The following FGF14 variants were observed in gnomAD, a reference collection of about 807,000 sequenced individuals.
FGF14 encodes fibroblast growth factor 14, also known as fibroblast growth factor homologous factor 4.
In FGF14, 5 loss-of-function variants were observed where a neutral mutation model predicts 25.5. The observed-to-expected ratio is 0.20, with a 90% confidence interval of 0.10 to 0.41. FGF14 has a LOEUF of 0.41. FGF14 is among the 10% of genes least tolerant of loss of function. The pLI, the probability that FGF14 is intolerant of heterozygous loss-of-function variation, is 1.00. For missense variants in FGF14, 222 were observed against 320.1 expected (o/e 0.69, Z 2.34); for synonymous variants, 138 against 118.3 (o/e 1.17, Z -1.08).
intron 1 of FGF14, among the ~76,000 whole-genome samples, chr13:102,137,381 G>A (rs1339645347): frequency 2.0e-5 from 3 of 152,146 alleles, no homozygotes; most frequent in Non-Finnish European, 2.9e-5. Context: ...TTGAGCAAAA[G>A]TATCTCGAAA....
intron 1 of FGF14, among the ~76,000 whole-genome samples, chr13:102,106,142 A>C (rs543657950): frequency 6.6e-6 from 1 of 152,362 alleles, no homozygotes; most frequent in Non-Finnish European, 1.5e-5. Flanking sequence ...ATTTTATAAA[A>C]TAAAATTTAG....
intron 3 of FGF14, among the ~76,000 whole-genome samples, chr13:101,808,501 A>G (rs1159104036): frequency 6.6e-6 from 1 of 152,152 alleles, no homozygotes; most frequent in Non-Finnish European, 1.5e-5. Context: ...TGAATTTGTG[A>G]TTTTTAAATA....
At chr13:101,929,881 A>AC (rs1282783950) in intron 1 of FGF14, among the ~76,000 whole-genome samples, 2 of 152,226 alleles carry the variant, frequency 1.3e-5, no homozygotes, top group Admixed American at 1.3e-4. Context: ...AGCATGTGCA[A>AC]CTTGCATAAT....
rs1370485057 is a variant in FGF14, at chr13:101,720,271, T to G, written c.*2560A>C. The G allele has an allele frequency of 6.6e-6, 1 of 152,004 alleles. No individual in the cohort carries two copies. The highest frequency in any genetic ancestry group is 1.5e-5 in the Non-Finnish European group (1 of 67,988). The allele number at this position is 152,004 out of a possible 1,614,324, so 9.4% of individuals were successfully genotyped here. A position where few individuals can be genotyped will look rare whatever the true frequency, so the allele number is the denominator to read the frequency against. On this transcript the variant is annotated 3_prime_UTR_variant, in exon 5 of 5. Transcript: ENST00000376143. Reference sequence around the variant, plus strand: ...CCAGACACAAAGTAAATGACCTAACTCAATTACAAATAACAAGGACCCCTC... The same window carrying G: ...CCAGACACAAAGTAAATGACCTAACGCAATTACAAATAACAAGGACCCCTC...
chr13:102,222,778 A>T (rs1490919673), intron 1 of FGF14, among the ~76,000 whole-genome samples: 1 of 152,102 alleles, frequency 6.6e-6, no homozygotes, highest in African/African-American at 2.4e-5. Flanking sequence ...ATTCTTCATG[A>T]ACACACACTC....
intron 1 of FGF14, among the ~76,000 whole-genome samples, chr13:102,096,513 CTT>C (rs1010785858): frequency 7.2e-5 from 11 of 151,898 alleles, no homozygotes; most frequent in Non-Finnish European, 1.5e-4. Flanking sequence ...TCACTGAAAA[CTT>C]AATATGCGCT....
intron 1 of FGF14, among the ~76,000 whole-genome samples, chr13:102,298,535 G>A (rs1446760516): frequency 6.6e-6 from 1 of 152,082 alleles, no homozygotes; most frequent in Non-Finnish European, 1.5e-5. Flanking sequence ...TACCTTTTAT[G>A]TGTTAGTATT....
chr13:102,092,697 TA>T (rs1297176580), intron 1 of FGF14, among the ~76,000 whole-genome samples: 1 of 152,216 alleles, frequency 6.6e-6, no homozygotes, highest in Non-Finnish European at 1.5e-5. Context: ...ATAACAATAG[TA>T]ATATTTGTGC....
intron 1 of FGF14, among the ~76,000 whole-genome samples, chr13:102,069,434 G>C (rs528270104): frequency 6.6e-6 from 1 of 152,138 alleles, no homozygotes; most frequent in Non-Finnish European, 1.5e-5. Context: ...AACCCGCTCG[G>C]GTCCCCTTCC....
intron 1 of FGF14, among the ~76,000 whole-genome samples, chr13:101,896,323 T>C (rs2030661546): frequency 6.6e-6 from 1 of 152,160 alleles, no homozygotes; most frequent in Admixed American, 6.6e-5. Context: ...TAAGGTGCTG[T>C]GGCTTTTGCA....
chr13:102,277,794 A>G (rs1407067173), intron 1 of FGF14, among the ~76,000 whole-genome samples: 1 of 152,216 alleles, frequency 6.6e-6, no homozygotes, highest in Non-Finnish European at 1.5e-5. Flanking sequence ...GTGAACCCAC[A>G]AAAGTGCTCC....
At chr13:102,083,952 T>A (rs1173846033) in intron 1 of FGF14, among the ~76,000 whole-genome samples, 1 of 152,200 alleles carries the variant, frequency 6.6e-6, no homozygotes, top group Non-Finnish European at 1.5e-5. Context: ...AATCTCTATA[T>A]CCTTGAAGGC....
At chr13:101,745,264 C>T (rs1434967433) in intron 3 of FGF14, among the ~76,000 whole-genome samples, 1 of 151,862 alleles carries the variant, frequency 6.6e-6, no homozygotes, top group East Asian at 1.9e-4. Flanking sequence ...TTCCCATATA[C>T]CCACTGCCCC....
At chr13:102,377,937 C>T (rs1594996036) in intron 1 of FGF14, among the ~76,000 whole-genome samples, 1 of 152,198 alleles carries the variant, frequency 6.6e-6, no homozygotes, top group Non-Finnish European at 1.5e-5. Flanking sequence ...CTGTTCTAGG[C>T]TTCTTTAGGT....
intron 1 of FGF14, among the ~76,000 whole-genome samples, chr13:101,973,852 A>T (rs960652674): frequency 2.0e-5 from 3 of 152,198 alleles, no homozygotes; most frequent in African/African-American, 7.2e-5. Context: ...AATCAAGTTG[A>T]CACTCAGTAT....
chr13:102,112,343 C>CTA (rs2045272367), intron 1 of FGF14, among the ~76,000 whole-genome samples: 1 of 152,072 alleles, frequency 6.6e-6, no homozygotes, highest in Non-Finnish European at 1.5e-5. Context: ...GCTCAGGTCC[C>CTA]CCGCCTTCTC....
intron 3 of FGF14, among the ~76,000 whole-genome samples, chr13:101,836,882 AATG>A (rs1400222979): frequency 6.6e-6 from 1 of 152,056 alleles, no homozygotes; most frequent in African/African-American, 2.4e-5. Context: ...TGTAATATGT[AATG>A]ATGATTTTTG....
chr13:101,883,130 T>C (rs1299464243), intron 1 of FGF14, among the ~76,000 whole-genome samples: 3 of 152,172 alleles, frequency 2.0e-5, no homozygotes, highest in African/African-American at 7.2e-5. Flanking sequence ...TGTGAAAATT[T>C]CATGAAGGAT....
chr13:102,285,169 C>T (rs890814054), intron 1 of FGF14, among the ~76,000 whole-genome samples: 1 of 152,156 alleles, frequency 6.6e-6, no homozygotes. Context: ...AAGGATAATA[C>T]TCATGAGTCC....
Sources: allele counts gnomAD v4.1 joint callset (sites outside exome capture counted in the v4.1 genomes callset), GRCh38; gene constraint gnomAD v4.1.1; transcripts MANE v1.5; gene names NCBI Gene and HGNC (gene_info 2026-07-23, HGNC 2026-07-21).